The following TDRD5 variants were observed in gnomAD, a reference collection of about 807,000 sequenced individuals.
TDRD5 encodes tudor domain-containing protein 5.
A neutral mutation model predicts 120.6 loss-of-function variants in TDRD5; 41 were observed. The observed-to-expected ratio is 0.34, with a 90% CI of 0.26 to 0.44. The LOEUF (loss-of-function observed/expected upper bound fraction) is 0.44, where lower values mean the gene tolerates loss of function less well. Among genes scored for constraint, TDRD5 ranks in the 20% least tolerant of loss-of-function variants. The pLI, the probability that TDRD5 is intolerant of heterozygous loss-of-function variation, is 1.00. For missense variants in TDRD5, 1,006 were observed against 1,221.2 expected, an observed-to-expected ratio of 0.82 and a Z score of 2.63; for synonymous variants, 430 against 433.7, an observed-to-expected ratio of 0.99 and a Z score of 0.11.
chr1:179,642,232 C>A (rs1678093306), intron 11 of TDRD5, among the ~76,000 whole-genome samples: 3 of 152,062 alleles, frequency 2.0e-5, no homozygotes, highest in African/African-American at 7.2e-5. Flanking sequence ...TCCTGAGTAG[C>A]TGGGATTATA....
intron 1 of TDRD5, 64 bp from the exon 2 acceptor site, chr1:179,592,538 G>T (rs987191357): frequency 1.2e-5 from 15 of 1,206,510 alleles, no homozygotes; most frequent in African/African-American, 1.5e-5. Context: ...CCCACTATTG[G>T]TTTTTTTTTA....
At chr1:179,639,761 C>G in intron 9 of TDRD5, 78 bp from the exon 10 acceptor site, 1 of 1,483,052 alleles carries the variant, frequency 6.7e-7, no homozygotes, top group South Asian at 1.3e-5. Context: ...CCAAGACTTT[C>G]TGGCTTGATA....
At chr1:179,690,364 C>T (rs921557092) in intron 17 of TDRD5, among the ~76,000 whole-genome samples, 2 of 152,152 alleles carry the variant, frequency 1.3e-5, no homozygotes, top group Non-Finnish European at 2.9e-5. Flanking sequence ...AATAGAAGCA[C>T]TTATGGGCTC....
intron 11 of TDRD5, among the ~76,000 whole-genome samples, chr1:179,649,150 A>G (rs543380466): frequency 6.0e-4 from 91 of 152,148 alleles, no homozygotes; most frequent in Non-Finnish European, 1.1e-3. Flanking sequence ...AAAATTTTCT[A>G]TTAGTCGCTC....
chr1:179,654,742 T>C (rs1047306621), intron 14 of TDRD5, among the ~76,000 whole-genome samples: 86 of 152,286 alleles, frequency 5.6e-4, no homozygotes, highest in African/African-American at 2.0e-3. Flanking sequence ...TACTCCAGCC[T>C]GGGTGATAGA....
chr1:179,678,074 C>T (rs981058206), intron 17 of TDRD5, among the ~76,000 whole-genome samples: 17 of 151,664 alleles, frequency 1.1e-4, no homozygotes, highest in African/African-American at 4.1e-4. Context: ...GAAGGGCTTG[C>T]TGCGGCTGCT....
intron 17 of TDRD5, among the ~76,000 whole-genome samples, chr1:179,678,959 T>C (rs562006712): frequency 1.3e-5 from 2 of 152,352 alleles, no homozygotes; most frequent in African/African-American, 2.4e-5. Flanking sequence ...ATAGGAAGCA[T>C]TTTATCTTAT....
At chr1:179,628,778 T>C (rs141992691) in intron 6 of TDRD5, among the ~76,000 whole-genome samples, 250 of 152,256 alleles carry the variant, frequency 1.6e-3, no homozygotes, top group African/African-American at 5.8e-3. Flanking sequence ...GAGATAATAA[T>C]TGAAAAAAGC....
At position 179,639,998 on chromosome 1, in the gene TDRD5, C is replaced by T. The variant is rs370108112; in HGVS notation, c.1680C>T (p.Tyr560=). The T allele has an allele frequency of 1.7e-5, 28 of 1,613,974 alleles. No homozygotes were observed. The highest frequency in any genetic ancestry group is 2.3e-5 in the Non-Finnish European group (27 of 1,180,000). The change falls in exon 10 of 18, where the codon TAC becomes TAT. Residue 560 remains tyrosine (Y), a synonymous_variant. Transcript: ENST00000444136. ...AGAAACAGGAAGTTGAAGTGTTCTA[C>T]CCAGACTTTGGAAATATTGGAATTG... ...VLEKQEVEVF[Y]PDFGNIGIVQ... is the part of the protein sequence containing the mutation.
In TDRD5 at chr1:179,675,775, T is replaced by G. The variant is rs181482199; in HGVS notation, c.2860+6371T>G. On this transcript the variant is annotated intron_variant, in intron 17 of 17. Transcript: ENST00000444136. ...CTTAAATTTACTGAGGCTTGTTTTG[T>G]GGCCTATCATGTGGTCTAAGAGAAT... Among the ~76,000 whole-genome samples, 60 of 152,332 alleles carry G rather than the reference T, an allele frequency of 3.9e-4. No individual in the cohort carries two copies. The East Asian group carries it at 0.011, about 27-fold the overall frequency.
intron 17 of TDRD5, among the ~76,000 whole-genome samples, chr1:179,678,441 A>G (rs781530527): frequency 2.6e-5 from 4 of 152,202 alleles, no homozygotes; most frequent in East Asian, 1.9e-4. Flanking sequence ...AGCTTTCCCT[A>G]TTTGCTCCAA....
At chr1:179,619,850 G>C (rs1676754865) in intron 5 of TDRD5, among the ~76,000 whole-genome samples, 1 of 152,032 alleles carries the variant, frequency 6.6e-6, no homozygotes, top group Non-Finnish European at 1.5e-5. Flanking sequence ...TGAACTCCTG[G>C]CCTTAGGCAT....
At chr1:179,614,168 A>C (rs1676437845) in intron 4 of TDRD5, among the ~76,000 whole-genome samples, 1 of 152,180 alleles carries the variant, frequency 6.6e-6, no homozygotes, top group African/African-American at 2.4e-5. Flanking sequence ...TCACCTGTGT[A>C]CTCTTATCAC....
intron 12 of TDRD5, 75 bp downstream of exon 12, chr1:179,651,142 A>C: frequency 6.7e-7 from 1 of 1,495,120 alleles, no homozygotes; most frequent in Admixed American, 2.0e-5. Flanking sequence ...TAATTTAATA[A>C]AGAAGTTTAT....
intron 17 of TDRD5, among the ~76,000 whole-genome samples, chr1:179,674,668 C>T (rs973704979): frequency 6.6e-6 from 1 of 152,094 alleles, no homozygotes; most frequent in Non-Finnish European, 1.5e-5. Context: ...TCCATCTGGT[C>T]CTGGACTTTT....
chr1:179,648,597 TAAAAA>T (rs553600477), intron 11 of TDRD5, among the ~76,000 whole-genome samples: 1 of 89,850 alleles, frequency 1.1e-5, no homozygotes, highest in Non-Finnish European at 2.4e-5. Flanking sequence ...AGTATAATAA[TAAAAA>T]AAAAAAGAAA....
intron 7 of TDRD5, among the ~76,000 whole-genome samples, chr1:179,631,741 A>G (rs1367174445): frequency 6.6e-6 from 1 of 152,082 alleles, no homozygotes. Flanking sequence ...GTACATTGCT[A>G]GTAACTAAAC....
intron 4 of TDRD5, among the ~76,000 whole-genome samples, chr1:179,614,746 G>C (rs1558380320): frequency 6.6e-6 from 1 of 151,734 alleles, no homozygotes; most frequent in East Asian, 1.9e-4. Flanking sequence ...CTCGGGGGAG[G>C]GGGGGTTTAA....
intron 17 of TDRD5, among the ~76,000 whole-genome samples, chr1:179,681,849 T>C (rs945376883): frequency 2.0e-5 from 3 of 149,100 alleles, no homozygotes; most frequent in African/African-American, 5.0e-5. Flanking sequence ...TCTCAGTCTT[T>C]ACTGTGTCTC....
Sources: gnomAD v4.1 joint callset for allele counts (sites outside exome capture counted in the v4.1 genomes callset) on GRCh38, gnomAD v4.1.1 for gene constraint, MANE v1.5 for transcripts, NCBI Gene and HGNC (gene_info 2026-07-23, HGNC 2026-07-21) for gene names.